The following PTP4A2 variants were observed in gnomAD, a reference collection of about 807,000 sequenced individuals.
The protein encoded by PTP4A2 is protein tyrosine phosphatase 4A2, also known as protein tyrosine phosphatase type IVA 2.
In PTP4A2, 2 loss-of-function variants were observed where a neutral mutation model predicts 22.9. That is an observed-to-expected ratio of 0.09 (90% CI 0.04 to 0.27). The LOEUF (loss-of-function observed/expected upper bound fraction) is 0.27, where lower values mean the gene tolerates loss of function less well. Among genes scored for constraint, PTP4A2 ranks in the 10% least tolerant of loss-of-function variants. The pLI is 1.00. For synonymous variants in PTP4A2, 68 were observed against 69.1 expected (o/e 0.98, Z 0.08); for missense variants, 103 against 205.1 (o/e 0.50, Z 3.04).
chr1:31,908,139 ATTATATATATATATAT>A lies in PTP4A2; in HGVS notation c.*697_*712del, dbSNP rs1651302026. ...ATATATATATATATATATATATTAT[ATTATATATATATATAT>A]ATATATATATATATATATATATATA... On this transcript the variant is annotated 3_prime_UTR_variant, in exon 6 of 6. Coordinates refer to ENST00000647444, the MANE Select transcript of PTP4A2 (RefSeq NM_080391.4). The A allele has an allele frequency of 2.4e-4, 1 of 4,248 alleles. No individual in the cohort carries two copies. Among genetic ancestry groups the A allele is most frequent in the African/African-American group, 1.6e-3 (1 of 642 alleles). The allele number at this position is 4,248 out of a possible 1,614,324, so 0.3% of individuals were successfully genotyped here. A position where few individuals can be genotyped will look rare whatever the true frequency, so the allele number is the denominator to read the frequency against.
At chr1:31,933,343 T>TAATTTGGGAATTATAATAAAGTGGA (rs1261311770) in intron 1 of PTP4A2, 2 of 152,162 alleles carry the variant, frequency 1.3e-5, no homozygotes, top group African/African-American at 4.8e-5. Context: ...AAAGTAATTA[T>TAATTTGGGAATTATAATAAAGTGGA]AACTGGTGGT....
intron 2 of PTP4A2, among the ~76,000 whole-genome samples, chr1:31,918,527 C>T (rs1651975183): frequency 6.6e-6 from 1 of 152,166 alleles, no homozygotes; most frequent in Non-Finnish European, 1.5e-5. Flanking sequence ...ATACTATGTG[C>T]CATTAGGCAA....
intron 1 of PTP4A2, chr1:31,935,582 A>G (rs1652899715): frequency 6.6e-6 from 1 of 152,210 alleles, no homozygotes; most frequent in Non-Finnish European, 1.5e-5. Context: ...GGGACAAGTT[A>G]CTTAACCTTT....
chr1:31,930,348 T>A (rs952337161), intron 1 of PTP4A2, among the ~76,000 whole-genome samples: 5 of 151,720 alleles, frequency 3.3e-5, no homozygotes, highest in Admixed American at 1.3e-4. Flanking sequence ...AAAAAAAAAA[T>A]AAAAAATACC....
intron 1 of PTP4A2, among the ~76,000 whole-genome samples, chr1:31,937,189 A>G (rs893802218): frequency 1.3e-5 from 2 of 152,092 alleles, no homozygotes; most frequent in African/African-American, 4.8e-5. Context: ...AAATTTGAAA[A>G]TTTACTTTGA....
chr1:31,937,534 T>C (rs1017950579), intron 1 of PTP4A2, among the ~76,000 whole-genome samples: 4 of 151,076 alleles, frequency 2.6e-5, no homozygotes, highest in African/African-American at 9.7e-5. Context: ...ACACACACCA[T>C]GTTCTCCCCC....
At chr1:31,926,149 A>AAAATATATATAT (rs59088489) in intron 1 of PTP4A2, among the ~76,000 whole-genome samples, 1 of 131,338 alleles carries the variant, frequency 7.6e-6, no homozygotes, top group Non-Finnish European at 1.6e-5. Flanking sequence ...AAAAAAAAAA[A>AAAATATATATAT]ATATATATAT....
Position 31,916,671 on chromosome 1 carries a change from C to T in PTP4A2, c.97-684G>A, listed in dbSNP as rs1375115118. On this transcript the variant is annotated intron_variant, in intron 2 of 5. Coordinates refer to ENST00000647444, the MANE Select transcript of PTP4A2 (RefSeq NM_080391.4). The stretch of plus-strand genomic sequence containing the variant: ...ACTGGAATGGTGAAAAATTAGAAAC[C>T]ACATTAATGGTCCAAAAATAAGGGA... 5.3e-5 allele frequency among the ~76,000 whole-genome samples: 8 copies of T among 152,192 alleles called. No individual in the cohort carries two copies. The South Asian group carries it at 1.5e-3, about 28-fold the overall frequency.
intron 2 of PTP4A2, among the ~76,000 whole-genome samples, chr1:31,916,391 T>TGTAC (rs57240235): frequency 0.029 from 3,719 of 128,882 alleles, 166 homozygotes; most frequent in Middle Eastern, 0.077. Context: ...CTATTATAAA[T>TGTAC]TAAAACAATG....
At chr1:31,926,211 A>C (rs1197553887) in intron 1 of PTP4A2, among the ~76,000 whole-genome samples, 1 of 150,390 alleles carries the variant, frequency 6.6e-6, no homozygotes, top group Non-Finnish European at 1.5e-5. Flanking sequence ...ATTTCTAAGA[A>C]ATCATCCCTT....
intron 1 of PTP4A2, chr1:31,933,237 T>C (rs1652797113): frequency 6.6e-6 from 1 of 152,392 alleles, no homozygotes; most frequent in Admixed American, 6.6e-5. Context: ...TGGCCTCAAG[T>C]GATCCTCCCG....
In PTP4A2 at chr1:31,906,634, C is replaced by A. The variant is rs542785221; in HGVS notation, c.*2218G>T. 17 of 151,956 alleles carry A rather than the reference C, an allele frequency of 1.1e-4. No individual in the cohort carries two copies. The highest frequency in any genetic ancestry group is 2.1e-4 in the Non-Finnish European group (14 of 67,982). The allele number at this position is 151,956 out of a possible 1,614,324, so 9.4% of individuals were successfully genotyped here. A position where few individuals can be genotyped will look rare whatever the true frequency, so the allele number is the denominator to read the frequency against. On this transcript the variant is annotated 3_prime_UTR_variant, in exon 6 of 6. Coordinates refer to ENST00000647444, the MANE Select transcript of PTP4A2 (RefSeq NM_080391.4). ...ATTAGTCTTTAAAATAAAAGGAGGG[C>A]TAATGTTTCATGTTGCTTTATACAT...
At chr1:31,922,495 A>T (rs928365476) in intron 1 of PTP4A2, among the ~76,000 whole-genome samples, 7 of 152,222 alleles carry the variant, frequency 4.6e-5, no homozygotes, top group Non-Finnish European at 8.8e-5. Flanking sequence ...AAAAAAATTT[A>T]AAACAAAGTT....
intron 2 of PTP4A2, among the ~76,000 whole-genome samples, chr1:31,917,213 G>A (rs1651893853): frequency 6.6e-6 from 1 of 152,230 alleles, no homozygotes; most frequent in South Asian, 2.1e-4. Flanking sequence ...TGAACAATCT[G>A]AGGGCATACA....
intron 1 of PTP4A2, chr1:31,921,249 C>G (rs1281686388): frequency 6.6e-6 from 1 of 152,188 alleles, no homozygotes; most frequent in African/African-American, 2.4e-5. Context: ...AATGAAGTGA[C>G]TTGCCTAACA....
At chr1:31,931,334 G>A (rs1263830630) in intron 1 of PTP4A2, among the ~76,000 whole-genome samples, 3 of 152,192 alleles carry the variant, frequency 2.0e-5, no homozygotes, top group African/African-American at 7.2e-5. Context: ...ACTTGAGAAA[G>A]GTGCTTAGTC....
chr1:31,937,000 G>A (rs1451335262), intron 1 of PTP4A2, among the ~76,000 whole-genome samples: 3 of 152,076 alleles, frequency 2.0e-5, no homozygotes, highest in Non-Finnish European at 2.9e-5. Flanking sequence ...TAATAAACCA[G>A]ACTACAGTTC....
At position 31,919,219 on chromosome 1, in the gene PTP4A2, T is replaced by C; in HGVS notation, c.-154A>G. 1 of 451,528 alleles carries C rather than the reference T, an allele frequency of 2.2e-6. No individual in the cohort carries two copies. Among genetic ancestry groups the C allele is most frequent in the South Asian group, 2.8e-5 (1 of 35,350 alleles). 28.0% of individuals were successfully genotyped at this position (451,528 alleles called of 1,614,324 possible). A position where few individuals can be genotyped will look rare whatever the true frequency, so the allele number is the denominator to read the frequency against. ...CAGTGTTTTCTCTATTCAACTTGTT[T>C]ATTCCTTATGAAGCTTCTCTCTTCA... On this transcript the variant is annotated 5_prime_UTR_variant, in exon 2 of 6. The change creates a new upstream start codon in the 5' untranslated region. Transcript: ENST00000647444.
intron 1 of PTP4A2, among the ~76,000 whole-genome samples, chr1:31,932,219 T>C (rs2124267779): frequency 6.6e-6 from 1 of 152,360 alleles, no homozygotes; most frequent in East Asian, 1.9e-4. Flanking sequence ...GTGTACATTT[T>C]ATGCCAAAAG....
Sources: gnomAD v4.1 joint callset for allele counts (sites outside exome capture counted in the v4.1 genomes callset) on GRCh38, gnomAD v4.1.1 for gene constraint, MANE v1.5 for transcripts, NCBI Gene and HGNC (gene_info 2026-07-23, HGNC 2026-07-21) for gene names.